Variants in GHR observed in about 807,000 individuals in gnomAD.
GHR encodes the protein GH receptor.
In GHR, 35 loss-of-function variants were observed where a neutral mutation model predicts 67.1. The observed-to-expected ratio is 0.52, with a 90% CI of 0.40 to 0.69. The LOEUF is 0.69. Ranked by LOEUF, GHR falls within the 30% of genes least tolerant of loss-of-function variation. The pLI is 0.00. For missense variants in GHR, 792 were observed against 764.6 expected, an observed-to-expected ratio of 1.04 and a Z score of -0.42; for synonymous variants, 272 against 269.1, an observed-to-expected ratio of 1.01 and a Z score of -0.10.
At chr5:42,472,484 A>C (rs1159313744) in intron 1 of GHR, among the ~76,000 whole-genome samples, 1 of 152,234 alleles carries the variant, frequency 6.6e-6, no homozygotes, top group African/African-American at 2.4e-5. Flanking sequence ...AAATTAGAGA[A>C]CATTAGAAGC....
rs137952314 is a variant in GHR, at chr5:42,710,186, CAT to C, written c.619-1020_619-1019del. On this transcript the variant is annotated intron_variant, in intron 6 of 9. Transcript: ENST00000230882. ...ATACAAACAAACCCTGTCATATACA[CAT>C]GAGGCAAAAAAAGATACTTTGTGAG... Among the ~76,000 whole-genome samples, 1,042 of 152,118 alleles carry C rather than the reference CAT, an allele frequency of 6.8e-3. 53 individuals carry two copies. In the East Asian group the frequency reaches 0.13, roughly 19 times the overall value.
intron 3 of GHR, among the ~76,000 whole-genome samples, chr5:42,658,200 A>T (rs553520582): frequency 2.6e-5 from 4 of 151,818 alleles, no homozygotes; most frequent in African/African-American, 9.7e-5. Context: ...ACCTAATGCC[A>T]AAAAAAAGCA....
intron 1 of GHR, among the ~76,000 whole-genome samples, chr5:42,537,468 G>T (rs958167180): frequency 6.6e-6 from 1 of 152,102 alleles, no homozygotes; most frequent in South Asian, 2.1e-4. Context: ...GCATGGTTTT[G>T]ACGGTTCCTT....
In GHR at chr5:42,423,891, C is replaced by T. The variant is rs1742723526; in HGVS notation, c.-76C>T. The T allele has an allele frequency of 6.4e-6, 1 of 156,320 alleles. No homozygotes were observed. Among genetic ancestry groups the T allele is most frequent in the Non-Finnish European group, 1.4e-5 (1 of 70,634 alleles). 9.7% of individuals were successfully genotyped at this position (156,320 alleles called of 1,614,324 possible). Reference sequence around the variant, plus strand: ...GGCTGGGGCCACGCGGGCCGGAGGCCCCGGCACCATTGGCCCCAGCGCAGA... The same window carrying T: ...GGCTGGGGCCACGCGGGCCGGAGGCTCCGGCACCATTGGCCCCAGCGCAGA... On this transcript the variant is annotated 5_prime_UTR_variant, in exon 1 of 10. Transcript: ENST00000230882.
chr5:42,434,015 C>A (rs1295212781), intron 1 of GHR, among the ~76,000 whole-genome samples: 16 of 152,100 alleles, frequency 1.1e-4, no homozygotes, highest in Admixed American at 1.0e-3. Flanking sequence ...TGTGGTATTT[C>A]AGCACATTTA....
At position 42,719,751 on chromosome 5, in the gene GHR, C is replaced by T. The variant is rs1758929643; in HGVS notation, c.*327C>T. ...TATGTTTTTAATGTATAGTAAATCA[C>T]GCTTTTTGAAAAAGCGAAAAAATCA... is the stretch of plus-strand genomic sequence containing the variant. On this transcript the variant is annotated 3_prime_UTR_variant, in exon 10 of 10. Transcript: ENST00000230882. The T allele has an allele frequency of 3.2e-6, 1 of 314,026 alleles. No homozygotes were observed. The highest frequency in any genetic ancestry group is 7.5e-5 in the East Asian group (1 of 13,322). 19.5% of individuals were successfully genotyped at this position (314,026 alleles called of 1,614,324 possible).
At chr5:42,603,358 G>T (rs1752474243) in intron 2 of GHR, among the ~76,000 whole-genome samples, 1 of 152,080 alleles carries the variant, frequency 6.6e-6, no homozygotes, top group African/African-American at 2.4e-5. Flanking sequence ...CTTACTTGGT[G>T]TCGTTTGGGC....
At chr5:42,435,118 C>T (rs1333515920) in intron 1 of GHR, among the ~76,000 whole-genome samples, 1 of 152,122 alleles carries the variant, frequency 6.6e-6, no homozygotes, top group African/African-American at 2.4e-5. Flanking sequence ...GACTTGAAAC[C>T]TTCACTTATA....
intron 5 of GHR, 32 bp downstream of exon 5, chr5:42,695,121 A>C (rs775332904): frequency 1.4e-6 from 2 of 1,477,250 alleles, no homozygotes; most frequent in South Asian, 1.1e-5. Flanking sequence ...CATTTGACAT[A>C]GTTTTAGACT....
intron 7 of GHR, among the ~76,000 whole-genome samples, chr5:42,713,070 T>G (rs1345684664): frequency 2.0e-5 from 3 of 152,106 alleles, no homozygotes; most frequent in Non-Finnish European, 4.4e-5. Flanking sequence ...ATTTAGGTAG[T>G]GTGTTAATAA....
At chr5:42,643,058 A>G (rs1181638007) in intron 3 of GHR, among the ~76,000 whole-genome samples, 3 of 152,048 alleles carry the variant, frequency 2.0e-5, no homozygotes, top group African/African-American at 7.2e-5. Context: ...TTTCCAACTA[A>G]AGTCATATTC....
intron 1 of GHR, among the ~76,000 whole-genome samples, chr5:42,507,665 C>T (rs1480171212): frequency 1.3e-5 from 2 of 152,204 alleles, no homozygotes; most frequent in African/African-American, 4.8e-5. Flanking sequence ...GTCACTCGGA[C>T]CCTAGCTGCC....
chr5:42,690,597 T>C lies in GHR; in HGVS notation c.266+1578T>C, dbSNP rs529236135. On this transcript the variant is annotated intron_variant, in intron 4 of 9. Coordinates refer to ENST00000230882, the MANE Select transcript of GHR (RefSeq NM_000163.5). ...CAGTAAATTGTTATAATTATTTTAA[T>C]TATTGGTATAAGAGCATTTTAATGC... is the stretch of plus-strand genomic sequence containing the variant. 2.6e-5 allele frequency among the ~76,000 whole-genome samples: 4 copies of C among 152,304 alleles called. No individual in the cohort carries two copies. The East Asian group carries it at 7.7e-4, about 29-fold the overall frequency.
chr5:42,675,784 G>A (rs560470143), intron 3 of GHR, among the ~76,000 whole-genome samples: 16 of 152,242 alleles, frequency 1.1e-4, no homozygotes, highest in African/African-American at 3.6e-4. Flanking sequence ...ATCTATATAG[G>A]CTGTGACCAC....
chr5:42,591,591 G>T (rs1475786411), intron 2 of GHR, among the ~76,000 whole-genome samples: 1 of 152,070 alleles, frequency 6.6e-6, no homozygotes, highest in African/African-American at 2.4e-5. Flanking sequence ...AGTTGCCAAA[G>T]TTTTCAGCAT....
intron 1 of GHR, among the ~76,000 whole-genome samples, chr5:42,551,991 G>A (rs547710364): frequency 4.6e-5 from 7 of 152,336 alleles, no homozygotes; most frequent in Middle Eastern, 3.4e-3. Flanking sequence ...CACTTAAGTA[G>A]ACTGTAACAT....
intron 1 of GHR, among the ~76,000 whole-genome samples, chr5:42,539,509 C>T (rs939911704): frequency 6.6e-6 from 1 of 152,192 alleles, no homozygotes; most frequent in African/African-American, 2.4e-5. Flanking sequence ...CCACAGAGTC[C>T]TGTGATGTGA....
chr5:42,509,663 C>T (rs988167831), intron 1 of GHR, among the ~76,000 whole-genome samples: 2 of 152,044 alleles, frequency 1.3e-5, no homozygotes, highest in Non-Finnish European at 2.9e-5. Flanking sequence ...TTTATTTTCT[C>T]CCTCCACCAG....
At chr5:42,617,420 AC>A (rs1458597257) in intron 2 of GHR, among the ~76,000 whole-genome samples, 13 of 150,346 alleles carry the variant, frequency 8.6e-5, no homozygotes, top group Non-Finnish European at 1.8e-4. Flanking sequence ...ACACACACAC[AC>A]ACACAGCATT....
Sources: allele counts gnomAD v4.1 joint callset (sites outside exome capture counted in the v4.1 genomes callset), GRCh38; gene constraint gnomAD v4.1.1; transcripts MANE v1.5; gene names NCBI Gene and HGNC (gene_info 2026-07-23, HGNC 2026-07-21).